Variants in LARGE1 observed in about 807,000 individuals in gnomAD.
LARGE1 encodes LARGE xylosyl- and glucuronyltransferase 1.
Under a neutral mutation model 87.6 loss-of-function variants are expected in LARGE1, and 43 were observed. The observed-to-expected ratio is 0.49, with a 90% CI of 0.38 to 0.63. The LOEUF is 0.63. Among genes scored for constraint, LARGE1 ranks in the 30% least tolerant of loss-of-function variants. The probability of loss-of-function intolerance (pLI) is 0.00; values close to 1 mark genes in which losing one functional copy is unlikely to be tolerated. For synonymous variants in LARGE1, 434 were observed against 394.6 expected, an observed-to-expected ratio of 1.10 and a Z score of -1.18; for missense variants, 802 against 1,000.2, an observed-to-expected ratio of 0.80 and a Z score of 2.67.
intron 4 of LARGE1, among the ~76,000 whole-genome samples, chr22:33,620,750 C>A (rs1052027994): frequency 3.3e-5 from 5 of 152,056 alleles, no homozygotes; most frequent in Admixed American, 1.3e-4. Flanking sequence ...GGTAAAACCC[C>A]ATCTCCACTA....
chr22:33,772,316 G>C (rs1325172494), intron 1 of LARGE1, among the ~76,000 whole-genome samples: 1 of 148,074 alleles, frequency 6.8e-6, no homozygotes, highest in Non-Finnish European at 1.5e-5. Context: ...CTGGGCAACA[G>C]AGCGAGACTC....
rs960201673 is a variant in LARGE1 at position 33,318,510 on chromosome 22, C to A, written c.1288-2262G>T. On this transcript the variant is annotated intron_variant, in intron 10 of 14. Transcript: ENST00000397394. Reference sequence around the variant, plus strand: ...CACATTTTCTTAATCCAATCTATCACTGTTGGACATTTGGCTTGGTTCCAA... The same window carrying A: ...CACATTTTCTTAATCCAATCTATCAATGTTGGACATTTGGCTTGGTTCCAA... 5.3e-5 allele frequency among the ~76,000 whole-genome samples: 8 copies of A among 151,932 alleles called. 1 individual carries two copies. In the South Asian group the frequency reaches 1.7e-3, roughly 32 times the overall value.
At chr22:33,275,256 C>A (rs1290523852) in intron 14 of LARGE1, among the ~76,000 whole-genome samples, 1 of 152,122 alleles carries the variant, frequency 6.6e-6, no homozygotes, top group African/African-American at 2.4e-5. Context: ...AATACTCAGG[C>A]CAAAAATAAA....
At chr22:33,224,272 A>G (rs1925612468) in intron 11 of LARGE1, among the ~76,000 whole-genome samples, 1 of 151,668 alleles carries the variant, frequency 6.6e-6, no homozygotes, top group South Asian at 2.1e-4. Flanking sequence ...TCTCAAAAGA[A>G]AAAGAAAAGA....
chr22:33,194,491 G>C (rs182671047), intron 11 of LARGE1, among the ~76,000 whole-genome samples: 1 of 152,214 alleles, frequency 6.6e-6, no homozygotes, highest in Non-Finnish European at 1.5e-5. Flanking sequence ...TTATTCAATT[G>C]ATTAAATTTT....
chr22:33,690,447 G>T (rs565277072), intron 2 of LARGE1, among the ~76,000 whole-genome samples: 1 of 152,062 alleles, frequency 6.6e-6, no homozygotes, highest in South Asian at 2.1e-4. Flanking sequence ...CCAGAAATAG[G>T]TATCTACATC....
At chr22:33,289,844 CTT>C in intron 12 of LARGE1, among the ~76,000 whole-genome samples, 1 of 152,188 alleles carries the variant, frequency 6.6e-6, no homozygotes, top group East Asian at 1.9e-4. Flanking sequence ...TTCTGTATAT[CTT>C]TTTTCCCCGA....
At chr22:33,309,269 C>A (rs113572261) in intron 11 of LARGE1, among the ~76,000 whole-genome samples, 1 of 151,874 alleles carries the variant, frequency 6.6e-6, no homozygotes, top group Non-Finnish European at 1.5e-5. Context: ...CAGGTTCAAG[C>A]GATTTTCCTG....
intron 2 of LARGE1, among the ~76,000 whole-genome samples, chr22:33,709,003 C>G (rs1358281212): frequency 3.3e-5 from 5 of 152,094 alleles, no homozygotes; most frequent in Admixed American, 2.0e-4. Context: ...ATCTCTTCTT[C>G]TTATAGGGAC....
At chr22:33,593,199 A>G (rs2078892066) in intron 5 of LARGE1, among the ~76,000 whole-genome samples, 3 of 151,390 alleles carry the variant, frequency 2.0e-5, no homozygotes, top group African/African-American at 7.3e-5. Context: ...AGGTTATGAG[A>G]CTGGCTAATT....
At chr22:33,870,092 G>C (rs2064229442) in intron 1 of LARGE1, among the ~76,000 whole-genome samples, 1 of 152,194 alleles carries the variant, frequency 6.6e-6, no homozygotes, top group Admixed American at 6.5e-5. Context: ...GGTCATAGTG[G>C]AGAAGGGTGG....
the LARGE1 span, among the ~76,000 whole-genome samples, chr22:33,147,066 G>A: frequency 6.6e-6 from 1 of 152,296 alleles, no homozygotes; most frequent in South Asian, 2.1e-4. Flanking sequence ...ACTGTTGTGT[G>A]TGACAGTAGT....
chr22:33,527,523 T>TC (rs1330382098), intron 6 of LARGE1, among the ~76,000 whole-genome samples: 1 of 152,166 alleles, frequency 6.6e-6, no homozygotes, highest in Non-Finnish European at 1.5e-5. Flanking sequence ...GGCAATCAGT[T>TC]CAGAGGCTCT....
intron 5 of LARGE1, among the ~76,000 whole-genome samples, chr22:33,574,408 A>G (rs1230561433): frequency 1.3e-5 from 2 of 152,176 alleles, no homozygotes; most frequent in Non-Finnish European, 2.9e-5. Flanking sequence ...TTGTTTTGGG[A>G]ATGACAAGAA....
chr22:33,715,779 G>A (rs2082890290), intron 2 of LARGE1, among the ~76,000 whole-genome samples: 1 of 152,138 alleles, frequency 6.6e-6, no homozygotes, highest in African/African-American at 2.4e-5. Flanking sequence ...AACTGCAGTG[G>A]CATCGCACAG....
chr22:33,318,703 T>C (rs895983110), intron 10 of LARGE1, among the ~76,000 whole-genome samples: 10 of 152,028 alleles, frequency 6.6e-5, no homozygotes, highest in African/African-American at 2.4e-4. Context: ...CATATGTAAC[T>C]AACCGGCACA....
intron 2 of LARGE1, among the ~76,000 whole-genome samples, chr22:33,737,092 C>A (rs75937771): frequency 6.6e-6 from 1 of 152,176 alleles, no homozygotes; most frequent in Admixed American, 6.5e-5. Context: ...GGCACCCCCA[C>A]GTAAACAGTC....
the LARGE1 span, among the ~76,000 whole-genome samples, chr22:33,147,422 G>A: frequency 6.6e-6 from 1 of 152,056 alleles, no homozygotes; most frequent in Admixed American, 6.6e-5. Flanking sequence ...ATATTATTGA[G>A]TTTTAAATTT....
intron 1 of LARGE1, among the ~76,000 whole-genome samples, chr22:33,770,075 T>C (rs1299847559): frequency 6.6e-6 from 1 of 152,204 alleles, no homozygotes; most frequent in Non-Finnish European, 1.5e-5. Flanking sequence ...ATATGCAAAG[T>C]GTGCAAATGT....
Sources: gnomAD v4.1 joint callset for allele counts (sites outside exome capture counted in the v4.1 genomes callset) on GRCh38, gnomAD v4.1.1 for gene constraint, MANE v1.5 for transcripts, NCBI Gene and HGNC (gene_info 2026-07-23, HGNC 2026-07-21) for gene names.